The following RUFY3 variants were observed in gnomAD, a reference collection of about 807,000 sequenced individuals.
The protein encoded by RUFY3 is protein RUFY3.
Under a neutral mutation model 84.0 loss-of-function variants are expected in RUFY3, and 34 were observed. That is an observed-to-expected ratio of 0.40 (90% CI 0.31 to 0.54). The LOEUF (loss-of-function observed/expected upper bound fraction) is 0.54. Among genes scored for constraint, RUFY3 ranks in the 20% least tolerant of loss-of-function variants. The pLI is 0.39. For missense variants in RUFY3, 507 were observed against 736.8 expected, an observed-to-expected ratio of 0.69 and a Z score of 3.61; for synonymous variants, 242 against 252.9, an observed-to-expected ratio of 0.96 and a Z score of 0.41.
rs57107005 is a variant in RUFY3, at chr4:70,807,663, CTTT to C, written c.*1019_*1021del. 1.9e-4 allele frequency among the ~76,000 whole-genome samples: 24 copies of C among 126,180 alleles called. No homozygotes were observed. Among genetic ancestry groups the C allele is most frequent in the South Asian group, 1.8e-3 (7 of 3,822 alleles). The allele number at this position is 126,180 out of a possible 152,430, so 82.8% of individuals were successfully genotyped here. A position where few individuals can be genotyped will look rare whatever the true frequency, so the allele number is the denominator to read the frequency against. ...TAGCCTCCCAAGTAGCTGGGACTGGCTTTTTTTTTTTTTTTTTGGCCGGGGAGG... is the reference window on the plus strand; with the variant it reads ...TAGCCTCCCAAGTAGCTGGGACTGGCTTTTTTTTTTTTTTGGCCGGGGAGG... On this transcript the variant is annotated 3_prime_UTR_variant, in exon 18 of 18. Coordinates refer to ENST00000381006, the MANE Select transcript of RUFY3 (RefSeq NM_001037442.4).
At chr4:70,713,472 C>G (rs1479256852) in intron 1 of RUFY3, among the ~76,000 whole-genome samples, 1 of 152,090 alleles carries the variant, frequency 6.6e-6, no homozygotes, top group African/African-American at 2.4e-5. Context: ...GGTGGCATTC[C>G]CTCTCTTTGC....
At chr4:70,760,660 T>C (rs1353545624) in intron 1 of RUFY3, among the ~76,000 whole-genome samples, 1 of 152,218 alleles carries the variant, frequency 6.6e-6, no homozygotes, top group Non-Finnish European at 1.5e-5. Flanking sequence ...TGGCTGTCTT[T>C]CAGGGCATAG....
At chr4:70,768,860 T>C (rs73824891) in intron 5 of RUFY3, among the ~76,000 whole-genome samples, 199 bp downstream of exon 5, 11,125 of 152,234 alleles carry the variant, frequency 0.073, 644 homozygotes, top group East Asian at 0.2. Context: ...GAATGTTTTT[T>C]AGATTCTTGT....
intron 1 of RUFY3, among the ~76,000 whole-genome samples, chr4:70,707,037 A>G (rs1740416518): frequency 6.6e-6 from 1 of 152,248 alleles, no homozygotes; most frequent in African/African-American, 2.4e-5. Flanking sequence ...CAACTATTGA[A>G]CAGTATCAAT....
intron 1 of RUFY3, among the ~76,000 whole-genome samples, chr4:70,726,812 T>C (rs1233054043): frequency 6.6e-6 from 1 of 152,076 alleles, no homozygotes; most frequent in Admixed American, 6.6e-5. Context: ...AAGGCGGGGG[T>C]GAAGATAAAA....
intron 7 of RUFY3, among the ~76,000 whole-genome samples, chr4:70,776,643 C>G (rs903381349): frequency 6.6e-5 from 10 of 152,016 alleles, no homozygotes; most frequent in African/African-American, 2.4e-4. Context: ...GGGCGTGGTA[C>G]CAGGCGCCTG....
intron 1 of RUFY3, among the ~76,000 whole-genome samples, chr4:70,761,956 A>G (rs1399825224): frequency 6.6e-6 from 1 of 152,190 alleles, no homozygotes; most frequent in Non-Finnish European, 1.5e-5. Flanking sequence ...GTGTGAAGGT[A>G]GTACAGTAGG....
chr4:70,790,325 T>C (rs1329686319), intron 12 of RUFY3, among the ~76,000 whole-genome samples: 2 of 152,212 alleles, frequency 1.3e-5, no homozygotes, highest in Non-Finnish European at 2.9e-5. Flanking sequence ...CAAGGATGAA[T>C]GTGACGTGGT....
At chr4:70,736,300 A>T (rs1720284609) in intron 1 of RUFY3, among the ~76,000 whole-genome samples, 1 of 152,238 alleles carries the variant, frequency 6.6e-6, no homozygotes, top group African/African-American at 2.4e-5. Flanking sequence ...ATAAAAATGC[A>T]AAATAATAGA....
chr4:70,731,769 T>C (rs940228360), intron 1 of RUFY3, among the ~76,000 whole-genome samples: 1 of 152,188 alleles, frequency 6.6e-6, no homozygotes, highest in Admixed American at 6.5e-5. Context: ...GGTTTTGCCA[T>C]GTTGGCCAGG....
At chr4:70,727,400 G>T (rs1212045010) in intron 1 of RUFY3, among the ~76,000 whole-genome samples, 7 of 140,730 alleles carry the variant, frequency 5.0e-5, no homozygotes, top group African/African-American at 1.9e-4. Flanking sequence ...CTGTTGCCCA[G>T]GCTGGAGTGC....
intron 15 of RUFY3, among the ~76,000 whole-genome samples, chr4:70,801,713 T>C (rs572178215): frequency 2.0e-5 from 3 of 152,310 alleles, no homozygotes; most frequent in Admixed American, 2.0e-4. Flanking sequence ...TGCAGGTGCT[T>C]GGCCTAAATG....
intron 1 of RUFY3, among the ~76,000 whole-genome samples, chr4:70,710,397 G>A (rs1406048224): frequency 6.6e-6 from 1 of 151,276 alleles, no homozygotes; most frequent in Non-Finnish European, 1.5e-5. Context: ...AAGGTCGGGT[G>A]CGGTGGCTCA....
chr4:70,729,900 T>G (rs1335803891), intron 1 of RUFY3, among the ~76,000 whole-genome samples: 1 of 151,428 alleles, frequency 6.6e-6, no homozygotes, highest in African/African-American at 2.4e-5. Context: ...CCACAAGTTA[T>G]CAGTTATCCA....
chr4:70,802,981 C>CAGGT lies in RUFY3; in HGVS notation c.1650_1650+3dup, dbSNP rs1732420939. Reference sequence around the variant, plus strand: ...GCTGCAACCCCACCCTATGGATGAACAGGTAACAGAGCCTCCTGTTTCAAA... The same window carrying CAGGT: ...GCTGCAACCCCACCCTATGGATGAACAGGTAGGTAACAGAGCCTCCTGTTTCAAA... On this transcript the variant is annotated frameshift_variant and splice_region_variant, in exon 16 of 18. Coordinates refer to ENST00000381006, the MANE Select transcript of RUFY3 (RefSeq NM_001037442.4). LOFTEE classifies it high-confidence loss of function. 1.2e-6 allele frequency: 2 copies of CAGGT among 1,608,006 alleles called. No individual in the cohort carries two copies. Among genetic ancestry groups the CAGGT allele is most frequent in the Non-Finnish European group, 1.7e-6 (2 of 1,176,720 alleles).
At chr4:70,770,989 G>A (rs1454696632) in intron 5 of RUFY3, among the ~76,000 whole-genome samples, 2 of 152,112 alleles carry the variant, frequency 1.3e-5, no homozygotes, top group South Asian at 2.1e-4. Context: ...TGGGGGAACG[G>A]CCAGTAAGTA....
chr4:70,793,916 G>A lies in RUFY3; in HGVS notation c.1457+12G>A, dbSNP rs762608754. On this transcript the variant is annotated intron_variant, in intron 13 of 17. Coordinates refer to ENST00000381006, the MANE Select transcript of RUFY3 (RefSeq NM_001037442.4). ...CTCACCAGGCAGCGGTGAAGAGGGG[G>A]TAGCTTGAGCTGACAGGGTGGTCAT... is the stretch of plus-strand genomic sequence containing the variant. 3 of 1,613,212 alleles carry A rather than the reference G, an allele frequency of 1.9e-6. No individual in the cohort carries two copies. The highest frequency in any genetic ancestry group is 3.3e-5 in the Admixed American group (2 of 59,912).
chr4:70,801,849 C>G (rs1560577740), intron 15 of RUFY3, among the ~76,000 whole-genome samples: 2 of 152,166 alleles, frequency 1.3e-5, no homozygotes, highest in African/African-American at 4.8e-5. Context: ...TAAAATTAAC[C>G]TGGGCTTCCA....
intron 1 of RUFY3, among the ~76,000 whole-genome samples, chr4:70,740,992 G>A (rs1038324082): frequency 4.6e-5 from 7 of 152,062 alleles, no homozygotes; most frequent in Non-Finnish European, 5.9e-5. Context: ...AAATATTAAT[G>A]TGCTTGATTG....
Sources: gnomAD v4.1 joint callset for allele counts (sites outside exome capture counted in the v4.1 genomes callset) on GRCh38, gnomAD v4.1.1 for gene constraint, MANE v1.5 for transcripts, NCBI Gene and HGNC (gene_info 2026-07-23, HGNC 2026-07-21) for gene names.